Variants in MTA3 observed in about 807,000 individuals in gnomAD.
MTA3 encodes the protein metastasis associated 1 family member 3, also known as metastasis-associated protein MTA3.
Under a neutral mutation model 83.5 loss-of-function variants are expected in MTA3, and 34 were observed. The observed-to-expected ratio is 0.41, with a 90% CI of 0.31 to 0.54. The LOEUF (loss-of-function observed/expected upper bound fraction) is 0.54, where lower values mean the gene tolerates loss of function less well. MTA3 is among the 20% of genes least tolerant of loss of function. The pLI is 0.33. For missense variants in MTA3, 761 were observed against 726.4 expected, an observed-to-expected ratio of 1.05 and a Z score of -0.55; for synonymous variants, 303 against 252.7, an observed-to-expected ratio of 1.20 and a Z score of -1.89.
intron 9 of MTA3, among the ~76,000 whole-genome samples, chr2:42,683,448 A>C (rs1332441353): frequency 6.6e-6 from 1 of 152,164 alleles, no homozygotes; most frequent in African/African-American, 2.4e-5. Context: ...TGTGGAAGAC[A>C]GTTTTTCCAT....
chr2:42,695,924 C>A, intron 10 of MTA3, 85 bp downstream of exon 10: 2 of 856,332 alleles, frequency 2.3e-6, no homozygotes, highest in Non-Finnish European at 3.6e-6. Context: ...CGATGTACTA[C>A]TTTTAAATTT....
chr2:42,594,728 A>ATATATTTTTTTTTTTTTT, intron 3 of MTA3, among the ~76,000 whole-genome samples: 5 of 24,042 alleles, frequency 2.1e-4, no homozygotes, highest in Admixed American at 8.8e-4. Flanking sequence ...ATATATATAT[A>ATATATTTTTTTTTTTTTT]TTTTTTTTTT....
intron 9 of MTA3, among the ~76,000 whole-genome samples, chr2:42,693,880 G>A (rs186636009): frequency 6.6e-6 from 1 of 152,110 alleles, no homozygotes; most frequent in Non-Finnish European, 1.5e-5. Flanking sequence ...TCACACTGTA[G>A]TCAGCACATC....
intron 3 of MTA3, among the ~76,000 whole-genome samples, chr2:42,593,280 A>G (rs1681260011): frequency 1.3e-5 from 2 of 151,898 alleles, no homozygotes; most frequent in Non-Finnish European, 2.9e-5. Flanking sequence ...TGAGGTTAGG[A>G]CATTGAGACC....
intron 9 of MTA3, among the ~76,000 whole-genome samples, chr2:42,693,139 G>A (rs1485143893): frequency 2.7e-5 from 4 of 150,886 alleles, no homozygotes; most frequent in Non-Finnish European, 4.4e-5. Context: ...CCCACACCCC[G>A]TCCCTTGAGC....
At chr2:42,700,037 G>A (rs113943431) in intron 11 of MTA3, among the ~76,000 whole-genome samples, 1 of 151,980 alleles carries the variant, frequency 6.6e-6, no homozygotes. Context: ...TTTCAGGGAG[G>A]GGGAGAGAGA....
At chr2:42,515,132 C>T (rs577290745) in intron 2 of MTA3, among the ~76,000 whole-genome samples, 82 of 152,210 alleles carry the variant, frequency 5.4e-4, no homozygotes, top group African/African-American at 2.0e-3. Context: ...GATCTCGGCT[C>T]ACTGCCAGCT....
intron 16 of MTA3, among the ~76,000 whole-genome samples, chr2:42,749,283 C>G (rs550601771): frequency 6.6e-6 from 1 of 152,158 alleles, no homozygotes; most frequent in Non-Finnish European, 1.5e-5. Flanking sequence ...AGCTTTCTGC[C>G]TGAGCTATAT....
chr2:42,720,970 A>G lies in MTA3; in HGVS notation c.1612+1896A>G, dbSNP rs918297899. On this transcript the variant is annotated intron_variant, in intron 15 of 16. Transcript: ENST00000405094. ...CTGTCTCAAAAAAAAAAAAAAAAAA[A>G]AAAAGAAAAGAAAAGAAAAAAAGAA... 2.6e-3 allele frequency among the ~76,000 whole-genome samples: 385 copies of G among 149,846 alleles called. 1 individual carries two copies. Among genetic ancestry groups the G allele is most frequent in the African/African-American group, 7.2e-3 (290 of 40,384 alleles).
chr2:42,682,519 C>T lies in MTA3; in HGVS notation c.821C>T (p.Ser274Phe). Residue 274 changes from serine (S) to phenylalanine (F), a missense_variant, in exon 9 of 17, where the codon TCT becomes TTT. Ser to Phe is a radical substitution (Grantham distance 155). Transcript: ENST00000405094. Reference protein sequence around the residue: ...CRDEMEEWSASEASLFEEALE... With the variant: ...CRDEMEEWSAFEASLFEEALE... ...GATGAAATGGAGGAATGGTCAGCCT[C>T]TGAAGCTAGCTTATTTGAAGAGGCA... 1 of 1,612,708 alleles carries T rather than the reference C, an allele frequency of 6.2e-7. No individual in the cohort carries two copies. Among genetic ancestry groups the T allele is most frequent in the Non-Finnish European group, 8.5e-7 (1 of 1,179,374 alleles).
intron 4 of MTA3, among the ~76,000 whole-genome samples, chr2:42,632,263 T>G (rs935264406): frequency 5.3e-5 from 8 of 152,124 alleles, no homozygotes; most frequent in Middle Eastern, 6.8e-3. Flanking sequence ...GCTAATTTTT[T>G]GTATTTTTAG....
At chr2:42,650,997 T>C (rs1291390420) in intron 6 of MTA3, among the ~76,000 whole-genome samples, 1 of 152,172 alleles carries the variant, frequency 6.6e-6, no homozygotes, top group African/African-American at 2.4e-5. Context: ...CCTAGATAGG[T>C]GCAGCTTACT....
intron 4 of MTA3, among the ~76,000 whole-genome samples, chr2:42,626,558 A>C (rs1686123110): frequency 1.3e-5 from 2 of 151,906 alleles, no homozygotes; most frequent in African/African-American, 4.8e-5. Flanking sequence ...GGCCCCCCAA[A>C]GTGCTGGGAT....
chr2:42,542,896 C>T (rs1002336119), intron 2 of MTA3, among the ~76,000 whole-genome samples: 3 of 151,986 alleles, frequency 2.0e-5, no homozygotes, highest in African/African-American at 4.8e-5. Context: ...GTCATATTTA[C>T]GCCTAACATA....
intron 7 of MTA3, among the ~76,000 whole-genome samples, chr2:42,658,900 C>A (rs951432726): frequency 1.8e-4 from 27 of 150,314 alleles, no homozygotes; most frequent in Admixed American, 2.7e-4. Context: ...CATAGGGAGG[C>A]CTTGTCTACA....
intron 6 of MTA3, among the ~76,000 whole-genome samples, chr2:42,651,530 T>G (rs1002338687): frequency 6.7e-6 from 1 of 150,354 alleles, no homozygotes; most frequent in African/African-American, 2.5e-5. Flanking sequence ...TGGCTCATGC[T>G]TGTAATCCCA....
At chr2:42,548,579 C>T (rs956998345) in intron 2 of MTA3, among the ~76,000 whole-genome samples, 1 of 146,668 alleles carries the variant, frequency 6.8e-6, no homozygotes, top group African/African-American at 2.5e-5. Flanking sequence ...ATTGCTTGAG[C>T]CCGGGAGTTC....
chr2:42,627,980 G>A (rs1051846097), intron 4 of MTA3, among the ~76,000 whole-genome samples: 3 of 151,740 alleles, frequency 2.0e-5, no homozygotes, highest in Admixed American at 6.6e-5. Context: ...CGACTCCCGG[G>A]TTCAAGTGAT....
intron 2 of MTA3, among the ~76,000 whole-genome samples, chr2:42,578,186 C>T (rs1019337438): frequency 6.6e-6 from 1 of 152,086 alleles, no homozygotes; most frequent in African/African-American, 2.4e-5. Context: ...TTTGTTCTCA[C>T]ACTTGTTTGA....
Sources: allele counts gnomAD v4.1 joint callset (sites outside exome capture counted in the v4.1 genomes callset), GRCh38; gene constraint gnomAD v4.1.1; transcripts MANE v1.5; gene names NCBI Gene and HGNC (gene_info 2026-07-23, HGNC 2026-07-21).